The following PPP1R16B variants were observed in gnomAD, a reference collection of about 807,000 sequenced individuals.
The protein encoded by PPP1R16B is protein phosphatase 1 regulatory subunit 16B, also known as protein phosphatase 1 regulatory inhibitor subunit 16B.
In PPP1R16B, 14 loss-of-function variants were observed where a neutral mutation model predicts 61.7. The ratio of observed to expected loss-of-function variants is 0.23; its 90% confidence interval spans 0.15 to 0.35. The LOEUF (loss-of-function observed/expected upper bound fraction) is 0.35, where lower values mean the gene tolerates loss of function less well. Among genes scored for constraint, PPP1R16B ranks in the 10% least tolerant of loss-of-function variants. PPP1R16B has a pLI of 1.00. For synonymous variants in PPP1R16B, 266 were observed against 305.3 expected, an observed-to-expected ratio of 0.87 and a Z score of 1.34; for missense variants, 547 against 752.5, an observed-to-expected ratio of 0.73 and a Z score of 3.19.
chr20:38,845,616 G>A (rs1368751996), intron 2 of PPP1R16B, among the ~76,000 whole-genome samples: 1 of 152,138 alleles, frequency 6.6e-6, no homozygotes, highest in Non-Finnish European at 1.5e-5. Context: ...GAGTCTGGAG[G>A]AAATGTACAA....
At chr20:38,881,600 G>A (rs988046155) in intron 2 of PPP1R16B, among the ~76,000 whole-genome samples, 1 of 152,214 alleles carries the variant, frequency 6.6e-6, no homozygotes, top group Non-Finnish European at 1.5e-5. Flanking sequence ...AGATGCAGCA[G>A]GGAGACCGAC....
At chr20:38,916,919 T>A (rs759964548) in intron 10 of PPP1R16B, among the ~76,000 whole-genome samples, 13 of 152,228 alleles carry the variant, frequency 8.5e-5, no homozygotes, top group Non-Finnish European at 1.9e-4. Flanking sequence ...ATTATTCCAA[T>A]GCCATGTATA....
intron 2 of PPP1R16B, among the ~76,000 whole-genome samples, chr20:38,886,065 C>T (rs565216548): frequency 1.1e-4 from 16 of 152,310 alleles, no homozygotes; most frequent in African/African-American, 3.4e-4. Flanking sequence ...CATGAGCCAC[C>T]GTGCCTGGCC....
At chr20:38,900,521 G>A in intron 4 of PPP1R16B, 60 bp from the exon 5 acceptor site, 1 of 1,370,046 alleles carries the variant, frequency 7.3e-7, no homozygotes, top group Non-Finnish European at 1.0e-6. Context: ...AGAGGGCAGA[G>A]GCAGCTAGAC....
At chr20:38,906,248 G>C (rs1601309490) in intron 7 of PPP1R16B, among the ~76,000 whole-genome samples, 154 bp downstream of exon 7, 1 of 151,234 alleles carries the variant, frequency 6.6e-6, no homozygotes, top group Non-Finnish European at 1.5e-5. Flanking sequence ...AAAGGCCTAG[G>C]GAGTTTGCAA....
chr20:38,871,077 G>A (rs1314865406), intron 2 of PPP1R16B, among the ~76,000 whole-genome samples: 2 of 152,142 alleles, frequency 1.3e-5, no homozygotes, highest in Admixed American at 1.3e-4. Flanking sequence ...GGAGGTGTGG[G>A]TGAGGCAGCA....
At chr20:38,838,438 A>AG (rs927578753) in intron 2 of PPP1R16B, 3 of 152,274 alleles carry the variant, frequency 2.0e-5, no homozygotes, top group Non-Finnish European at 4.4e-5. Flanking sequence ...CTGGCTGCAC[A>AG]GGGCTCTAGG....
chr20:38,860,545 T>C (rs1042752511), intron 2 of PPP1R16B, among the ~76,000 whole-genome samples: 1 of 152,122 alleles, frequency 6.6e-6, no homozygotes, highest in African/African-American at 2.4e-5. Context: ...CTCATTCAGG[T>C]TGGAGGTGGA....
intron 2 of PPP1R16B, among the ~76,000 whole-genome samples, chr20:38,880,465 G>A (rs1473332950): frequency 6.6e-6 from 1 of 152,148 alleles, no homozygotes; most frequent in Non-Finnish European, 1.5e-5. Flanking sequence ...TGAGGAGTTC[G>A]AGACCAGCCT....
Position 38,907,150 on chromosome 20 carries a change from T to G in PPP1R16B, c.898+96T>G. ...TAGATAAATATATGGTTGTATAGAT[T>G]GATGGATTGGTGTCTAGATAGATAG... On this transcript the variant is annotated intron_variant, in intron 8 of 10. Coordinates refer to ENST00000299824, the MANE Select transcript of PPP1R16B (RefSeq NM_015568.4). This position sits in a 1 kb window ranked among gnomAD's most constrained non-coding sequence, Gnocchi z 4.5. 1.0e-6 allele frequency: 1 copy of G among 1,004,462 alleles called. No homozygotes were observed. Among genetic ancestry groups the G allele is most frequent in the Non-Finnish European group, 1.6e-6 (1 of 641,274 alleles). 62.2% of individuals were successfully genotyped at this position (1,004,462 alleles called of 1,614,324 possible).
intron 2 of PPP1R16B, among the ~76,000 whole-genome samples, chr20:38,855,069 T>C (rs1375042206): frequency 6.6e-6 from 1 of 152,176 alleles, no homozygotes; most frequent in Non-Finnish European, 1.5e-5. Context: ...CCTCATAATA[T>C]ATGACTTAAA....
intron 2 of PPP1R16B, among the ~76,000 whole-genome samples, chr20:38,839,491 C>G (rs536994203): frequency 6.6e-6 from 1 of 152,250 alleles, no homozygotes; most frequent in South Asian, 2.1e-4. Flanking sequence ...CTCCCTTCCT[C>G]CCTCTCTCCT....
intron 2 of PPP1R16B, among the ~76,000 whole-genome samples, chr20:38,879,060 T>A (rs536366980): frequency 6.6e-6 from 1 of 152,134 alleles, no homozygotes; most frequent in South Asian, 2.1e-4. Context: ...GGAGATCAGG[T>A]CCCTAGGTCT....
chr20:38,882,172 A>C (rs1271595047), intron 2 of PPP1R16B, among the ~76,000 whole-genome samples: 1 of 152,156 alleles, frequency 6.6e-6, no homozygotes, highest in Admixed American at 6.5e-5. Context: ...TAGAAAGAGC[A>C]AGGGCACAGG....
chr20:38,871,421 A>T (rs1338809535), intron 2 of PPP1R16B, among the ~76,000 whole-genome samples: 1 of 152,080 alleles, frequency 6.6e-6, no homozygotes, highest in Non-Finnish European at 1.5e-5. Flanking sequence ...TGGTTTATTC[A>T]TTCAGCAAAC....
chr20:38,808,805 G>A (rs1252589816), intron 1 of PPP1R16B, among the ~76,000 whole-genome samples: 3 of 152,056 alleles, frequency 2.0e-5, no homozygotes, highest in Non-Finnish European at 2.9e-5. Flanking sequence ...AGGCCAAGGC[G>A]GGAGGATCAC....
chr20:38,897,564 T>G (rs2085359493), intron 4 of PPP1R16B, among the ~76,000 whole-genome samples: 1 of 152,248 alleles, frequency 6.6e-6, no homozygotes, highest in African/African-American at 2.4e-5. Flanking sequence ...GTGACGAACA[T>G]GAGTGTACAA....
chr20:38,888,511 C>T (rs567978513), intron 2 of PPP1R16B, among the ~76,000 whole-genome samples: 5 of 152,288 alleles, frequency 3.3e-5, no homozygotes, highest in African/African-American at 1.2e-4. Flanking sequence ...GTCATTTGGA[C>T]AGGGACAGTA....
chr20:38,832,105 C>T (rs1291406013), intron 1 of PPP1R16B, among the ~76,000 whole-genome samples: 3 of 152,220 alleles, frequency 2.0e-5, no homozygotes, highest in Admixed American at 2.0e-4. Flanking sequence ...GGAAAGCCTT[C>T]CTTGAGAACC....
Sources: gnomAD v4.1 joint callset for allele counts (sites outside exome capture counted in the v4.1 genomes callset) on GRCh38, gnomAD v4.1.1 for gene constraint, Gnocchi (gnomAD v3.1) non-coding constraint, MANE v1.5 for transcripts, NCBI Gene and HGNC (gene_info 2026-07-23, HGNC 2026-07-21) for gene names.